The following INPP4B variants were observed in gnomAD, a reference collection of about 807,000 sequenced individuals.
The protein encoded by INPP4B is inositol polyphosphate-4-phosphatase type II B.
INPP4B carries 55 observed loss-of-function variants against 122.5 expected under a neutral mutation model. The ratio of observed to expected loss-of-function variants is 0.45; its 90% confidence interval spans 0.36 to 0.56. The LOEUF is 0.56. INPP4B is among the 20% of genes least tolerant of loss of function. The probability of loss-of-function intolerance (pLI) is 0.00; values close to 1 mark genes in which losing one functional copy is unlikely to be tolerated. For synonymous variants in INPP4B, 403 were observed against 388.7 expected (o/e 1.04, Z -0.43); for missense variants, 1,000 against 1,097.7 (o/e 0.91, Z 1.26).
intron 8 of INPP4B, among the ~76,000 whole-genome samples, chr4:142,312,550 C>T (rs1470436283): frequency 6.6e-6 from 1 of 152,152 alleles, no homozygotes; most frequent in Non-Finnish European, 1.5e-5. Context: ...TAGAAAGGAT[C>T]AGCAGAGAGA....
chr4:142,156,768 A>G (rs1380697858), intron 17 of INPP4B, among the ~76,000 whole-genome samples: 1 of 152,134 alleles, frequency 6.6e-6, no homozygotes, highest in African/African-American at 2.4e-5. Flanking sequence ...ATTTAGAGTG[A>G]GCAGGATTCT....
chr4:142,412,089 C>CT (rs1804719985), intron 5 of INPP4B, among the ~76,000 whole-genome samples: 1 of 152,098 alleles, frequency 6.6e-6, no homozygotes, highest in South Asian at 2.1e-4. Flanking sequence ...TGTCCTTCCT[C>CT]TTTGTACTTC....
intron 2 of INPP4B, among the ~76,000 whole-genome samples, chr4:142,707,416 T>C (rs2150781484): frequency 6.6e-6 from 1 of 152,354 alleles, no homozygotes; most frequent in South Asian, 2.1e-4. Flanking sequence ...TGGATTTGTG[T>C]CCCACTTATG....
chr4:142,471,565 C>G (rs1818832721), intron 2 of INPP4B, among the ~76,000 whole-genome samples: 1 of 152,144 alleles, frequency 6.6e-6, no homozygotes, highest in South Asian at 2.1e-4. Context: ...GACTTCAGCT[C>G]AGAAAAAGAA....
chr4:142,131,863 G>T (rs921312305), intron 18 of INPP4B, among the ~76,000 whole-genome samples: 1 of 151,984 alleles, frequency 6.6e-6, no homozygotes, highest in African/African-American at 2.4e-5. Flanking sequence ...GCTGAGGCAG[G>T]AGAATTGCTT....
intron 25 of INPP4B, among the ~76,000 whole-genome samples, chr4:142,034,916 C>T (rs546075602): frequency 1.3e-5 from 2 of 152,228 alleles, no homozygotes; most frequent in Non-Finnish European, 2.9e-5. Context: ...GCACCCTCAT[C>T]CCTGTGTGTA....
At chr4:142,553,513 T>C (rs1479718713) in intron 2 of INPP4B, among the ~76,000 whole-genome samples, 1 of 152,208 alleles carries the variant, frequency 6.6e-6, no homozygotes, top group African/African-American at 2.4e-5. Flanking sequence ...GGCTAGAGAA[T>C]TGTTGCCTGC....
At chr4:142,486,523 A>G (rs1821215104) in intron 2 of INPP4B, among the ~76,000 whole-genome samples, 1 of 152,132 alleles carries the variant, frequency 6.6e-6, no homozygotes, top group East Asian at 1.9e-4. Flanking sequence ...TGTCAAATAT[A>G]TATTTTTGTC....
At chr4:142,300,090 T>G (rs1385332695) in intron 9 of INPP4B, among the ~76,000 whole-genome samples, 1 of 152,184 alleles carries the variant, frequency 6.6e-6, no homozygotes, top group South Asian at 2.1e-4. Flanking sequence ...AAACAAAATT[T>G]GTCATTTAAA....
intron 2 of INPP4B, among the ~76,000 whole-genome samples, chr4:142,643,588 G>T (rs1751030772): frequency 6.6e-6 from 1 of 152,018 alleles, no homozygotes; most frequent in African/African-American, 2.4e-5. Context: ...TCTATATTTT[G>T]CTATATTTCA....
At chr4:142,732,318 G>A (rs1236028213) in intron 1 of INPP4B, among the ~76,000 whole-genome samples, 2 of 151,638 alleles carry the variant, frequency 1.3e-5, no homozygotes, top group Non-Finnish European at 2.9e-5. Flanking sequence ...TTCACTATAA[G>A]TTAATATTAT....
chr4:142,456,325 G>C (rs1407060853), intron 3 of INPP4B, among the ~76,000 whole-genome samples: 1 of 151,916 alleles, frequency 6.6e-6, no homozygotes, highest in Non-Finnish European at 1.5e-5. Context: ...ATTTGTATAT[G>C]GTGAGAGATA....
intron 15 of INPP4B, among the ~76,000 whole-genome samples, chr4:142,192,513 G>T (rs1465922929): frequency 3.3e-5 from 5 of 151,940 alleles, no homozygotes; most frequent in African/African-American, 1.2e-4. Flanking sequence ...AACTACTGCT[G>T]CAAAAGCTTT....
chr4:142,027,471 A>AAAG lies in INPP4B; in HGVS notation c.*1308_*1310dup, dbSNP rs1737364088. 1 of 152,216 alleles carries AAAG rather than the reference A, an allele frequency of 6.6e-6. No individual in the cohort carries two copies. Among genetic ancestry groups the AAAG allele is most frequent in the South Asian group, 2.1e-4 (1 of 4,830 alleles). The allele number at this position is 152,216 out of a possible 1,614,324, so 9.4% of individuals were successfully genotyped here. A position where few individuals can be genotyped will look rare whatever the true frequency, so the allele number is the denominator to read the frequency against. ...AACAAGAATTTGTAAAATTTGGAGA[A>AAAG]AAGTTTCATTCGTTCAGACTTTTGT... On this transcript the variant is annotated 3_prime_UTR_variant, in exon 26 of 26. Transcript: ENST00000262992.
chr4:142,779,960 G>C (rs936621436), intron 1 of INPP4B, among the ~76,000 whole-genome samples: 2 of 152,088 alleles, frequency 1.3e-5, no homozygotes, highest in African/African-American at 4.8e-5. Context: ...TAAACTTCAA[G>C]GCAGTTGAGC....
chr4:142,782,008 T>A (rs926110827), intron 1 of INPP4B, among the ~76,000 whole-genome samples: 4 of 151,940 alleles, frequency 2.6e-5, no homozygotes, highest in African/African-American at 9.7e-5. Flanking sequence ...ATACTTTAAG[T>A]TTTAGGGTAC....
intron 25 of INPP4B, among the ~76,000 whole-genome samples, chr4:142,035,399 C>A (rs1157087334): frequency 6.6e-6 from 1 of 152,054 alleles, no homozygotes; most frequent in Non-Finnish European, 1.5e-5. Flanking sequence ...ATTTTGTGCA[C>A]CTACGTTGGC....
chr4:142,578,342 T>A (rs1431551704), intron 2 of INPP4B, among the ~76,000 whole-genome samples: 2 of 151,990 alleles, frequency 1.3e-5, no homozygotes, highest in Admixed American at 1.3e-4. Context: ...AATGTCCAAC[T>A]TTTCTCTGAT....
intron 2 of INPP4B, among the ~76,000 whole-genome samples, chr4:142,578,903 A>T (rs1433259873): frequency 1.3e-5 from 2 of 151,994 alleles, no homozygotes; most frequent in Non-Finnish European, 2.9e-5. Context: ...CTCAGAGAGA[A>T]ATTATAGTCC....
Sources: allele counts gnomAD v4.1 joint callset (sites outside exome capture counted in the v4.1 genomes callset), GRCh38; gene constraint gnomAD v4.1.1; transcripts MANE v1.5; gene names NCBI Gene and HGNC (gene_info 2026-07-23, HGNC 2026-07-21).